ACTR3C: variants seen among roughly 807,000 people sequenced by gnomAD.
The protein encoded by ACTR3C is actin-related protein 3C.
In ACTR3C, 18 loss-of-function variants were observed where a neutral mutation model predicts 26.3. The ratio of observed to expected loss-of-function variants is 0.68; its 90% CI spans 0.47 to 1.01. The LOEUF is 1.01. Ranked by LOEUF, ACTR3C falls within the 50% of genes least tolerant of loss-of-function variation. The probability of loss-of-function intolerance (pLI) is 0.00; values close to 1 mark genes in which losing one functional copy is unlikely to be tolerated. For missense variants in ACTR3C, 184 were observed against 250.7 expected (o/e 0.73, Z 1.80); for synonymous variants, 55 against 94.5 (o/e 0.58, Z 2.42).
chr7:150,169,245 T>C, the ACTR3C span, among the ~76,000 whole-genome samples: 503 of 150,330 alleles, frequency 3.3e-3, 37 homozygotes, highest in African/African-American at 0.012. Flanking sequence ...TAGCTGGGCA[T>C]GGTGACAGGC....
At chr7:150,129,447 T>G in the ACTR3C span, among the ~76,000 whole-genome samples, 1 of 152,194 alleles carries the variant, frequency 6.6e-6, no homozygotes, top group Non-Finnish European at 1.5e-5. Context: ...TAAGTAAAAC[T>G]GGCTTGATTT....
At position 150,273,212 on chromosome 7, in the gene ACTR3C, T is replaced by C. The variant is rs966821829; in HGVS notation, c.564+11541A>G. Among the ~76,000 whole-genome samples the C allele has an allele frequency of 4.6e-4, 68 of 147,716 alleles. 1 individual carries two copies. Among genetic ancestry groups the C allele is most frequent in the African/African-American group, 1.7e-3 (66 of 38,388 alleles). On this transcript the variant is annotated intron_variant, in intron 6 of 7. Transcript: ENST00000683684. ...TTAAAATGCCCTATTCATCTAATAC[T>C]GTTTTCAAAGTAATGACAGAAATAG... is the stretch of plus-strand genomic sequence containing the variant.
At chr7:149,980,384 G>C in the ACTR3C span, among the ~76,000 whole-genome samples, 3 of 152,304 alleles carry the variant, frequency 2.0e-5, no homozygotes, top group South Asian at 6.2e-4. Flanking sequence ...CAAATGAACT[G>C]CTGCAAATCA....
the ACTR3C span, among the ~76,000 whole-genome samples, chr7:150,008,302 C>A: frequency 6.6e-6 from 1 of 152,210 alleles, no homozygotes; most frequent in Non-Finnish European, 1.5e-5. Context: ...TCCATGAGGT[C>A]CTGGCTCTGT....
intron 1 of ACTR3C, among the ~76,000 whole-genome samples, chr7:150,322,186 C>T (rs1797590736): frequency 1.3e-5 from 2 of 152,192 alleles, no homozygotes; most frequent in Non-Finnish European, 2.9e-5. Flanking sequence ...TTGTGGGAGT[C>T]ATCAGGCAGC....
intron 6 of ACTR3C, among the ~76,000 whole-genome samples, chr7:150,266,958 C>A (rs773384341): frequency 2.0e-4 from 30 of 152,202 alleles, no homozygotes; most frequent in Non-Finnish European, 4.0e-4. Context: ...AAAACTTAAC[C>A]ATACAACACA....
chr7:149,891,835 CAA>C, the ACTR3C span, among the ~76,000 whole-genome samples: 2,437 of 43,660 alleles, frequency 0.056, 265 homozygotes, highest in African/African-American at 0.1. Context: ...AAAAAAACAA[CAA>C]AAAATACAAT....
At chr7:150,183,077 A>G in the ACTR3C span, among the ~76,000 whole-genome samples, 9 of 150,872 alleles carry the variant, frequency 6.0e-5, no homozygotes, top group African/African-American at 2.2e-4. Context: ...CTGCTTGCAC[A>G]TTTATTATGT....
the ACTR3C span, among the ~76,000 whole-genome samples, chr7:150,057,973 C>A: frequency 6.6e-6 from 1 of 152,214 alleles, no homozygotes; most frequent in Non-Finnish European, 1.5e-5. Flanking sequence ...TTGCCTTAAA[C>A]TCTTCACTGA....
chr7:150,135,215 T>C, the ACTR3C span, among the ~76,000 whole-genome samples: 3 of 152,346 alleles, frequency 2.0e-5, no homozygotes, highest in East Asian at 3.9e-4. Context: ...GAGCTTGCAG[T>C]GAGCTGAGAT....
the ACTR3C span, among the ~76,000 whole-genome samples, chr7:150,022,544 A>G: frequency 5.3e-5 from 8 of 152,028 alleles, 1 homozygote; most frequent in African/African-American, 1.9e-4. Flanking sequence ...CTGGTTCTTG[A>G]CACTCCCCTC....
the ACTR3C span, among the ~76,000 whole-genome samples, chr7:150,003,626 G>A: frequency 6.6e-6 from 1 of 152,080 alleles, no homozygotes; most frequent in Admixed American, 6.5e-5. Context: ...TGTGTGTGTG[G>A]TGTGATGTGT....
chr7:149,923,879 T>C, the ACTR3C span, among the ~76,000 whole-genome samples: 9 of 151,744 alleles, frequency 5.9e-5, no homozygotes, highest in Admixed American at 5.3e-4. Context: ...GTGCCTATAA[T>C]CCCAGCTCCT....
chr7:150,169,509 T>A, the ACTR3C span, among the ~76,000 whole-genome samples: 101,607 of 149,696 alleles, frequency 0.68, 35,841 homozygotes, highest in East Asian at 0.83. Flanking sequence ...AGCAAGAAGC[T>A]TATCTGCTGG....
At chr7:149,983,522 G>C in the ACTR3C span, among the ~76,000 whole-genome samples, 24 of 147,890 alleles carry the variant, frequency 1.6e-4, no homozygotes, top group South Asian at 1.1e-3. Context: ...TACATTATTG[G>C]GGGGGAATGC....
chr7:150,299,464 C>CAA (rs759969034), intron 1 of ACTR3C, among the ~76,000 whole-genome samples: 750 of 13,976 alleles, frequency 0.054, 46 homozygotes, highest in Middle Eastern at 0.21. Context: ...GACCCCCTCT[C>CAA]AAAAAAAAAA....
chr7:150,006,343 C>T, the ACTR3C span, among the ~76,000 whole-genome samples: 30,903 of 150,694 alleles, frequency 0.21, 3,315 homozygotes, highest in South Asian at 0.29. Context: ...ACTACAGGCA[C>T]CCGCCACCAC....
At chr7:150,163,274 G>A in the ACTR3C span, among the ~76,000 whole-genome samples, 1 of 152,050 alleles carries the variant, frequency 6.6e-6, no homozygotes, top group Admixed American at 6.6e-5. Flanking sequence ...GGAGTAAGGA[G>A]TACAGATATC....
the ACTR3C span, among the ~76,000 whole-genome samples, chr7:150,072,753 A>T: frequency 1.1e-4 from 16 of 152,308 alleles, no homozygotes; most frequent in Non-Finnish European, 2.2e-4. Context: ...AGGATGAACT[A>T]TGGAAAAACA....
Sources: allele counts gnomAD v4.1 joint callset (sites outside exome capture counted in the v4.1 genomes callset), GRCh38; gene constraint gnomAD v4.1.1; transcripts MANE v1.5; gene names NCBI Gene and HGNC (gene_info 2026-07-23, HGNC 2026-07-21).